The following IP6K1 variants were observed in gnomAD, a reference collection of about 807,000 sequenced individuals.
IP6K1 encodes inositol hexakisphosphate kinase 1.
In IP6K1, 13 loss-of-function variants were observed where a neutral mutation model predicts 38.3. The ratio of observed to expected loss-of-function variants is 0.34; its 90% confidence interval spans 0.22 to 0.54. The LOEUF is 0.54. IP6K1 is among the 20% of genes least tolerant of loss of function. The pLI is 0.92. For missense variants in IP6K1, 397 were observed against 599.8 expected (o/e 0.66, Z 3.53); for synonymous variants, 212 against 229.9 (o/e 0.92, Z 0.70).
chr3:49,738,494 C>T, intron 2 of IP6K1, 72 bp from the exon 3 acceptor site: 2 of 1,168,308 alleles, frequency 1.7e-6, no homozygotes, highest in Non-Finnish European at 2.6e-6. Flanking sequence ...ACTGTTGGCA[C>T]TCACTTTCCC....
At chr3:49,731,905 A>G (rs1157984905) in intron 4 of IP6K1, among the ~76,000 whole-genome samples, 1 of 142,460 alleles carries the variant, frequency 7.0e-6, no homozygotes, top group Non-Finnish European at 1.6e-5. Flanking sequence ...AAAAAAAAAA[A>G]GGAATTCCTA....
At chr3:49,750,903 ATCTGTAAC>A (rs2080771293) in intron 1 of IP6K1, among the ~76,000 whole-genome samples, 1 of 152,266 alleles carries the variant, frequency 6.6e-6, no homozygotes, top group Non-Finnish European at 1.5e-5. Flanking sequence ...TATACCACAT[ATCTGTAAC>A]TCTGTTTTGA....
At chr3:49,742,123 C>G (rs902002476) in intron 2 of IP6K1, among the ~76,000 whole-genome samples, 5 of 152,038 alleles carry the variant, frequency 3.3e-5, no homozygotes, top group Non-Finnish European at 7.4e-5. Context: ...TTCTTAGGAT[C>G]TACTTTATTT....
Position 49,767,178 on chromosome 3 carries a change from A to C in IP6K1, c.-128-19010T>G, listed in dbSNP as rs147561506. On this transcript the variant is annotated intron_variant, in intron 1 of 5. Transcript: ENST00000321599. ...GTAGTCTCGGCTACTTGGAAGGCTG[A>C]GGCAGGCAGGCAGTCACTCAAGCCC... Among the ~76,000 whole-genome samples the C allele has an allele frequency of 1.2e-3, 178 of 151,984 alleles. 1 individual carries two copies. The highest frequency in any genetic ancestry group is 4.2e-3 in the African/African-American group (174 of 41,470).
chr3:49,732,749 T>C lies in IP6K1; in HGVS notation c.616+42A>G, dbSNP rs375090453. 55 of 1,558,556 alleles carry C rather than the reference T, an allele frequency of 3.5e-5. No individual in the cohort carries two copies. The African/African-American group carries it at 6.9e-4, about 20-fold the overall frequency. ...GAATGGTGCCCCAACACACGACCTA[T>C]GGACCCAGTAGACACTCCTGAAGGA... On this transcript the variant is annotated intron_variant, in intron 4 of 5. Transcript: ENST00000321599.
chr3:49,780,341 C>CACACACACACACACACACACACAG (rs1025490190), intron 1 of IP6K1, among the ~76,000 whole-genome samples: 1 of 151,918 alleles, frequency 6.6e-6, no homozygotes, highest in South Asian at 2.1e-4. Flanking sequence ...CACACACACA[C>CACACACACACACACACACACACAG]AGTCTTAGGC....
chr3:49,765,145 C>T (rs1204163809), intron 1 of IP6K1, among the ~76,000 whole-genome samples: 1 of 152,114 alleles, frequency 6.6e-6, no homozygotes, highest in Non-Finnish European at 1.5e-5. Flanking sequence ...AAGAATTCTA[C>T]ATCTGAAAAT....
intron 1 of IP6K1, among the ~76,000 whole-genome samples, chr3:49,751,023 A>C (rs554524621): frequency 2.0e-5 from 3 of 152,200 alleles, no homozygotes; most frequent in Non-Finnish European, 2.9e-5. Flanking sequence ...ATGGAGCCTC[A>C]TAAGTCACTT....
chr3:49,754,521 G>A (rs2080805716), intron 1 of IP6K1, among the ~76,000 whole-genome samples: 2 of 152,142 alleles, frequency 1.3e-5, no homozygotes, highest in Non-Finnish European at 2.9e-5. Flanking sequence ...CTGTCTCAAT[G>A]ACAATAATAA....
chr3:49,772,919 G>A (rs964476456), intron 1 of IP6K1, among the ~76,000 whole-genome samples: 3 of 150,946 alleles, frequency 2.0e-5, no homozygotes, highest in African/African-American at 7.3e-5. Context: ...CAACTCCTAT[G>A]CTCAAGTGAT....
At chr3:49,776,957 G>A (rs527806993) in intron 1 of IP6K1, among the ~76,000 whole-genome samples, 4 of 152,186 alleles carry the variant, frequency 2.6e-5, no homozygotes, top group South Asian at 2.1e-4. Flanking sequence ...TCACTGGGCC[G>A]GGCACAGTGG....
intron 1 of IP6K1, among the ~76,000 whole-genome samples, chr3:49,778,309 G>C (rs373380619): frequency 6.8e-6 from 1 of 146,944 alleles, no homozygotes; most frequent in African/African-American, 2.5e-5. Flanking sequence ...TGGGCAACAA[G>C]AGTGAGACTC....
chr3:49,783,193 T>TA (rs2081082828), intron 1 of IP6K1, among the ~76,000 whole-genome samples: 1 of 151,280 alleles, frequency 6.6e-6, no homozygotes, highest in Non-Finnish European at 1.5e-5. Flanking sequence ...GACAGGAGGA[T>TA]CACTTGAGAC....
At chr3:49,736,714 C>T (rs1205755433) in intron 3 of IP6K1, among the ~76,000 whole-genome samples, 1 of 151,184 alleles carries the variant, frequency 6.6e-6, no homozygotes, top group African/African-American at 2.4e-5. Context: ...TATATGTATT[C>T]AATTCTTTTG....
chr3:49,749,830 CTTTTT>C (rs35363121), intron 1 of IP6K1, among the ~76,000 whole-genome samples: 6 of 109,636 alleles, frequency 5.5e-5, no homozygotes, highest in Admixed American at 9.6e-5. Context: ...ACATACACTT[CTTTTT>C]TTTTTTTTTT....
intron 1 of IP6K1, among the ~76,000 whole-genome samples, chr3:49,778,798 T>C (rs1301059943): frequency 6.6e-6 from 1 of 152,058 alleles, no homozygotes; most frequent in African/African-American, 2.4e-5. Context: ...GCTAATTTTT[T>C]TATTTTTTGT....
intron 4 of IP6K1, among the ~76,000 whole-genome samples, chr3:49,728,637 G>A (rs1332416506): frequency 1.3e-5 from 2 of 151,880 alleles, no homozygotes; most frequent in Non-Finnish European, 2.9e-5. Flanking sequence ...GTGCCCTGGA[G>A]TGATCTCGGC....
intron 1 of IP6K1, among the ~76,000 whole-genome samples, chr3:49,780,358 A>C (rs1402585231): frequency 1.4e-5 from 2 of 146,938 alleles, no homozygotes; most frequent in African/African-American, 5.1e-5. Context: ...AGGCTTTCCT[A>C]CCCAGAATCT....
At chr3:49,730,700 C>T (rs2080554505) in intron 4 of IP6K1, among the ~76,000 whole-genome samples, 1 of 152,212 alleles carries the variant, frequency 6.6e-6, no homozygotes, top group African/African-American at 2.4e-5. Flanking sequence ...GCGCATGCCA[C>T]CATGCCCGAC....
Sources: gnomAD v4.1 joint callset for allele counts (sites outside exome capture counted in the v4.1 genomes callset) on GRCh38, gnomAD v4.1.1 for gene constraint, MANE v1.5 for transcripts, NCBI Gene and HGNC (gene_info 2026-07-23, HGNC 2026-07-21) for gene names.